Variants in PIP4P2 observed in about 807,000 individuals in gnomAD.
PIP4P2 encodes type 2 phosphatidylinositol 4,5-bisphosphate 4-phosphatase.
A neutral mutation model predicts 33.3 loss-of-function variants in PIP4P2; 19 were observed. The observed-to-expected ratio is 0.57, with a 90% CI of 0.40 to 0.84. The LOEUF is 0.84. Ranked by LOEUF, PIP4P2 falls within the 40% of genes least tolerant of loss-of-function variation. The pLI is 0.00. For missense variants in PIP4P2, 270 were observed against 324.7 expected (o/e 0.83, Z 1.29); for synonymous variants, 110 against 111.9 (o/e 0.98, Z 0.11).
At chr8:91,038,549 T>C (rs1183643032) in intron 1 of PIP4P2, among the ~76,000 whole-genome samples, 4 of 152,146 alleles carry the variant, frequency 2.6e-5, no homozygotes, top group Admixed American at 2.6e-4. Flanking sequence ...AATATAGTCT[T>C]CATGAGGGTA....
In PIP4P2 at chr8:91,020,174, T is replaced by C. The variant is rs143081863; in HGVS notation, c.345A>G (p.Gly115=). 4.9e-4 allele frequency: 784 copies of C among 1,613,750 alleles called. 3 individuals carry two copies. In the African/African-American group the frequency reaches 8.8e-3, roughly 18 times the overall value. ...LICKDTSRRI[G]CPRPNCRRII... is the part of the protein sequence containing the mutation. ...TCTCTTACCAGTTGGGTCTTGGGCA[T>C]CCTATTCGCCGAGATGTGTCCTTAC... Residue 115 remains glycine (G), a synonymous_variant, in exon 3 of 7, where the codon GGA becomes GGG. Transcript: ENST00000285419.
intron 2 of PIP4P2, 33 bp downstream of exon 2, chr8:91,021,223 T>C (rs918940747): frequency 1.9e-6 from 3 of 1,609,514 alleles, no homozygotes; most frequent in Non-Finnish European, 2.5e-6. Context: ...CAAATAACAA[T>C]TTATATTTTT....
chr8:90,998,810 T>G (rs181591572), intron 5 of PIP4P2, among the ~76,000 whole-genome samples: 1 of 151,894 alleles, frequency 6.6e-6, no homozygotes, highest in Non-Finnish European at 1.5e-5. Context: ...TTTATAGTTA[T>G]ATAGGTTGCC....
intron 5 of PIP4P2, among the ~76,000 whole-genome samples, chr8:91,006,850 T>A (rs1193774872): frequency 6.6e-6 from 1 of 152,136 alleles, no homozygotes; most frequent in African/African-American, 2.4e-5. Flanking sequence ...GTGCCTATAG[T>A]CCCAGCTACT....
At chr8:91,005,072 A>G (rs573474432) in intron 5 of PIP4P2, among the ~76,000 whole-genome samples, 15 of 152,196 alleles carry the variant, frequency 9.9e-5, no homozygotes, top group Non-Finnish European at 1.8e-4. Flanking sequence ...TGCTGCTTTG[A>G]AAAGCAGATA....
At chr8:91,021,960 TTC>T (rs1812016604) in intron 1 of PIP4P2, among the ~76,000 whole-genome samples, 1 of 152,060 alleles carries the variant, frequency 6.6e-6, no homozygotes, top group South Asian at 2.1e-4. Context: ...AAAACTAAAC[TTC>T]TCAGCATGGA....
intron 4 of PIP4P2, among the ~76,000 whole-genome samples, chr8:91,010,486 A>T (rs995362750): frequency 1.3e-5 from 2 of 151,906 alleles, no homozygotes; most frequent in Admixed American, 1.3e-4. Context: ...AGCACAAATT[A>T]TGCATGATAA....
At position 91,040,614 on chromosome 8, in the gene PIP4P2, G is replaced by A. The variant is rs896938935; in HGVS notation, c.106+30C>T. On this transcript the variant is annotated intron_variant, in intron 1 of 6. Coordinates refer to ENST00000285419, the MANE Select transcript of PIP4P2 (RefSeq NM_018710.3). ...CGTTTCCTTGCAAATCTACTTCCTT[G>A]CAAAGTAGAGGGATCTACGCTGGCC... is the stretch of plus-strand genomic sequence containing the variant. 8 of 1,609,574 alleles carry A rather than the reference G, an allele frequency of 5.0e-6. No homozygotes were observed. The African/African-American group carries it at 9.4e-5, about 19-fold the overall frequency.
intron 4 of PIP4P2, chr8:91,016,702 A>G (rs577858812): frequency 6.6e-6 from 1 of 152,286 alleles, no homozygotes; most frequent in East Asian, 1.9e-4. Context: ...TAAACTAAGA[A>G]CTCTGAGGAT....
chr8:91,029,210 G>A (rs1812124077), intron 1 of PIP4P2, among the ~76,000 whole-genome samples: 1 of 151,926 alleles, frequency 6.6e-6, no homozygotes, highest in Non-Finnish European at 1.5e-5. Flanking sequence ...AGAATCACTT[G>A]AACCCCGGAG....
intron 4 of PIP4P2, among the ~76,000 whole-genome samples, chr8:91,009,584 G>A (rs984076491): frequency 6.6e-6 from 1 of 151,464 alleles, no homozygotes; most frequent in African/African-American, 2.4e-5. Flanking sequence ...AAGTACTTTG[G>A]CAGTTTATCA....
Position 91,021,402 on chromosome 8 carries a change from C to G in PIP4P2, c.109G>C (p.Glu37Gln), listed in dbSNP as rs372714085. 1 of 1,613,120 alleles carries G rather than the reference C, an allele frequency of 6.2e-7. No homozygotes were observed. Among genetic ancestry groups the G allele is most frequent in the Admixed American group, 1.7e-5 (1 of 59,896 alleles). The change falls in exon 2 of 7, where the codon GAG becomes CAG. Residue 37 changes from glutamate to glutamine, a missense_variant and splice_region_variant. Coordinates refer to ENST00000285419, the MANE Select transcript of PIP4P2 (RefSeq NM_018710.3). ...PYLQESSPRA[E>Q]LPPPYTAIAS... Reference sequence around the variant, plus strand: ...ATGGCTGTATATGGAGGTGGGAGCTCCGCTGAAAAGATATTAGTCACTGAA... The same window carrying G: ...ATGGCTGTATATGGAGGTGGGAGCTGCGCTGAAAAGATATTAGTCACTGAA...
chr8:91,022,881 T>C (rs113125210), intron 1 of PIP4P2, among the ~76,000 whole-genome samples: 14 of 152,286 alleles, frequency 9.2e-5, no homozygotes, highest in African/African-American at 2.4e-4. Context: ...GAAATGACGA[T>C]ATGCTTATGT....
rs115848356 is a variant in PIP4P2, at chr8:91,031,364, C to T, written c.106+9280G>A. Among the ~76,000 whole-genome samples the T allele has an allele frequency of 2.9e-3, 446 of 152,314 alleles. 2 individuals carry two copies. The highest frequency in any genetic ancestry group is 0.011 in the African/African-American group (437 of 41,564). On this transcript the variant is annotated intron_variant, in intron 1 of 6. Transcript: ENST00000285419. ...ATCTCACTTTAAGTCTACTCACTAT[C>T]ATTTCTCTATATTGTTTCTCCTCTG...
chr8:90,996,884 G>C, intron 5 of PIP4P2, 140 bp from the exon 6 acceptor site: 1 of 655,856 alleles, frequency 1.5e-6, no homozygotes, highest in East Asian at 3.0e-5. Context: ...ACAAGAACAT[G>C]CATTAAACAT....
At chr8:91,032,837 T>A (rs1398614849) in intron 1 of PIP4P2, among the ~76,000 whole-genome samples, 1 of 151,782 alleles carries the variant, frequency 6.6e-6, no homozygotes, top group African/African-American at 2.4e-5. Flanking sequence ...CAAGGTGTAT[T>A]CAGGGTTACC....
chr8:90,999,033 G>A (rs937212378), intron 5 of PIP4P2, among the ~76,000 whole-genome samples: 3 of 151,942 alleles, frequency 2.0e-5, no homozygotes, highest in African/African-American at 7.2e-5. Flanking sequence ...ATCTGACAAA[G>A]GTCTAACATC....
chr8:90,995,904 A>C, intron 6 of PIP4P2, 84 bp from the exon 7 acceptor site: 1 of 1,415,096 alleles, frequency 7.1e-7, no homozygotes, highest in Non-Finnish European at 9.3e-7. Flanking sequence ...CTTACATGTG[A>C]TTGTTATGAA....
Position 90,995,244 on chromosome 8 carries a change from T to C in PIP4P2, c.*433A>G, listed in dbSNP as rs1206884575. On this transcript the variant is annotated 3_prime_UTR_variant, in exon 7 of 7. Coordinates refer to ENST00000285419, the MANE Select transcript of PIP4P2 (RefSeq NM_018710.3). Reference sequence around the variant, plus strand: ...CAGTAAGCAGTTCAAGCAAAATGCATATTGCTTAGGTTTTAAGCAAGCAAT... The same window carrying C: ...CAGTAAGCAGTTCAAGCAAAATGCACATTGCTTAGGTTTTAAGCAAGCAAT... The C allele has an allele frequency of 6.6e-6, 1 of 152,496 alleles. No individual in the cohort carries two copies. The highest frequency in any genetic ancestry group is 1.9e-4 in the East Asian group (1 of 5,190). 9.4% of individuals were successfully genotyped at this position (152,496 alleles called of 1,614,324 possible).
Sources: gnomAD v4.1 joint callset for allele counts (sites outside exome capture counted in the v4.1 genomes callset) on GRCh38, gnomAD v4.1.1 for gene constraint, MANE v1.5 for transcripts, NCBI Gene and HGNC (gene_info 2026-07-23, HGNC 2026-07-21) for gene names.